Variants in POLR3B observed in about 807,000 individuals in gnomAD.
POLR3B encodes the protein RNA polymerase III subunit B, also known as DNA-directed RNA polymerase III subunit RPC2.
POLR3B carries 96 observed loss-of-function variants against 147.4 expected under a neutral mutation model. The observed-to-expected ratio is 0.65, with a 90% CI of 0.55 to 0.77. The LOEUF (loss-of-function observed/expected upper bound fraction) is 0.77. Among genes scored for constraint, POLR3B ranks in the 30% least tolerant of loss-of-function variants. POLR3B has a pLI of 0.00. For missense variants in POLR3B, 1,036 were observed against 1,413.5 expected (o/e 0.73, Z 4.28); for synonymous variants, 461 against 485.9 (o/e 0.95, Z 0.67).
At chr12:106,509,045 A>G (rs1375473147) in intron 27 of POLR3B, among the ~76,000 whole-genome samples, 1 of 152,240 alleles carries the variant, frequency 6.6e-6, no homozygotes, top group African/African-American at 2.4e-5. Flanking sequence ...AAACTCTTTA[A>G]ACAATGAAAA....
In POLR3B at chr12:106,509,685, G is replaced by T; in HGVS notation, c.*136G>T. 1 of 782,356 alleles carries T rather than the reference G, an allele frequency of 1.3e-6. No individual in the cohort carries two copies. The highest frequency in any genetic ancestry group is 2.1e-6 in the Non-Finnish European group (1 of 477,688). The allele number at this position is 782,356 out of a possible 1,614,324, so 48.5% of individuals were successfully genotyped here. A position where few individuals can be genotyped will look rare whatever the true frequency, so the allele number is the denominator to read the frequency against. ...CTCTCTAAAACAACCAAAAAAAAAT[G>T]GAGAGGCTTTTTATATACTCTAAGA... On this transcript the variant is annotated 3_prime_UTR_variant, in exon 28 of 28. Coordinates refer to ENST00000228347, the MANE Select transcript of POLR3B (RefSeq NM_018082.6).
At chr12:106,397,913 C>T (rs1017422785) in intron 10 of POLR3B, among the ~76,000 whole-genome samples, 2 of 152,234 alleles carry the variant, frequency 1.3e-5, no homozygotes, top group African/African-American at 2.4e-5. Context: ...CAGCTACCAG[C>T]GTGAACGACG....
chr12:106,498,014 C>T (rs2038523225), intron 25 of POLR3B, among the ~76,000 whole-genome samples: 1 of 152,152 alleles, frequency 6.6e-6, no homozygotes, highest in African/African-American at 2.4e-5. Flanking sequence ...TAGCACAGGG[C>T]CTGACACACA....
intron 10 of POLR3B, among the ~76,000 whole-genome samples, chr12:106,393,815 A>G (rs1007117581): frequency 6.6e-5 from 10 of 151,858 alleles, no homozygotes; most frequent in African/African-American, 1.9e-4. Context: ...CCCCATAGTA[A>G]AAATAATTGC....
chr12:106,402,657 T>G (rs1240212364), intron 10 of POLR3B, among the ~76,000 whole-genome samples: 3 of 152,068 alleles, frequency 2.0e-5, no homozygotes, highest in Non-Finnish European at 4.4e-5. Flanking sequence ...TAATGCCACA[T>G]ATCTACAACT....
chr12:106,398,219 G>A (rs1001155509), intron 10 of POLR3B, among the ~76,000 whole-genome samples: 48 of 152,330 alleles, frequency 3.2e-4, no homozygotes, highest in East Asian at 3.9e-4. Flanking sequence ...CTATGCCCAC[G>A]GAGTCTCGCT....
chr12:106,362,173 C>G (rs944526665), intron 1 of POLR3B, among the ~76,000 whole-genome samples: 1 of 151,962 alleles, frequency 6.6e-6, no homozygotes, highest in Non-Finnish European at 1.5e-5. Context: ...GGTTGAATAT[C>G]AAGGACTGAA....
chr12:106,393,491 T>TGTGTGTGTGTG (rs2036940935), intron 10 of POLR3B, among the ~76,000 whole-genome samples: 1 of 141,380 alleles, frequency 7.1e-6, no homozygotes, highest in African/African-American at 2.7e-5. Flanking sequence ...TGTACAGGTT[T>TGTGTGTGTGTG]TGTGTGTGTG....
intron 14 of POLR3B, 75 bp downstream of exon 14, chr12:106,430,548 T>A (rs1453128130): frequency 6.1e-6 from 7 of 1,153,056 alleles, no homozygotes; most frequent in Admixed American, 3.5e-5. Flanking sequence ...GGTGGGGAGG[T>A]CTGCTTCTGT....
intron 9 of POLR3B, among the ~76,000 whole-genome samples, chr12:106,386,065 G>T (rs2036832016): frequency 6.6e-6 from 1 of 152,204 alleles, no homozygotes; most frequent in South Asian, 2.1e-4. Context: ...ATCTAACGGG[G>T]CTGGGCGCGG....
At chr12:106,408,006 T>C (rs2037172570) in intron 11 of POLR3B, among the ~76,000 whole-genome samples, 1 of 152,198 alleles carries the variant, frequency 6.6e-6, no homozygotes, top group Non-Finnish European at 1.5e-5. Context: ...ATATAAAGGA[T>C]GATTTTCAGT....
At chr12:106,495,591 A>G (rs2137073669) in intron 23 of POLR3B, among the ~76,000 whole-genome samples, 1 of 152,310 alleles carries the variant, frequency 6.6e-6, no homozygotes, top group Middle Eastern at 3.4e-3. Context: ...TTCAAACCAC[A>G]TTGTAAGCAC....
At chr12:106,404,537 G>A (rs1005509823) in intron 10 of POLR3B, among the ~76,000 whole-genome samples, 2 of 152,160 alleles carry the variant, frequency 1.3e-5, no homozygotes, top group African/African-American at 4.8e-5. Flanking sequence ...GAGCCCTTAT[G>A]TGTTTATTGG....
At chr12:106,495,813 C>A in intron 23 of POLR3B, 1 of 637,492 alleles carries the variant, frequency 1.6e-6, no homozygotes, top group Non-Finnish European at 2.8e-6. Flanking sequence ...CCCAACAGCA[C>A]CATTGTGTGC....
chr12:106,371,399 G>A (rs1178491656), intron 6 of POLR3B, among the ~76,000 whole-genome samples: 1 of 152,086 alleles, frequency 6.6e-6, no homozygotes, highest in East Asian at 1.9e-4. Flanking sequence ...CAGGGATCTA[G>A]AACTAGAAAT....
chr12:106,420,201 G>A (rs1299485316), intron 12 of POLR3B, among the ~76,000 whole-genome samples: 1 of 152,156 alleles, frequency 6.6e-6, no homozygotes, highest in East Asian at 1.9e-4. Context: ...CCAGATGTGG[G>A]GCAGTGGGGC....
intron 13 of POLR3B, among the ~76,000 whole-genome samples, chr12:106,428,932 C>T (rs944271182): frequency 6.6e-6 from 1 of 152,148 alleles, no homozygotes. Flanking sequence ...GCAAACAGAT[C>T]ATCTAATCTT....
chr12:106,404,735 A>G (rs2136930573), intron 10 of POLR3B, among the ~76,000 whole-genome samples: 1 of 152,224 alleles, frequency 6.6e-6, no homozygotes, highest in Admixed American at 6.5e-5. Context: ...TTAATTTTGA[A>G]AAAACTTAGG....
intron 9 of POLR3B, among the ~76,000 whole-genome samples, chr12:106,391,217 G>A (rs988083379): frequency 4.6e-5 from 7 of 152,230 alleles, no homozygotes; most frequent in East Asian, 3.9e-4. Context: ...TCTCACCACC[G>A]GACCTTGCCA....
Sources: gnomAD v4.1 joint callset for allele counts (sites outside exome capture counted in the v4.1 genomes callset) on GRCh38, gnomAD v4.1.1 for gene constraint, MANE v1.5 for transcripts, NCBI Gene and HGNC (gene_info 2026-07-23, HGNC 2026-07-21) for gene names.